CSMD1: variants seen among roughly 807,000 people sequenced by gnomAD.
CSMD1 encodes the protein CUB and sushi domain-containing protein 1.
In CSMD1, 213 loss-of-function variants were observed where a neutral mutation model predicts 417.5. That is an observed-to-expected ratio of 0.51 (90% CI 0.46 to 0.57). The LOEUF (loss-of-function observed/expected upper bound fraction) is 0.57, where lower values mean the gene tolerates loss of function less well. Ranked by LOEUF, CSMD1 falls within the 20% of genes least tolerant of loss-of-function variation. The probability of loss-of-function intolerance (pLI) is 0.00; values close to 1 mark genes in which losing one functional copy is unlikely to be tolerated. For missense variants in CSMD1, 6,923 were observed against 4,529.7 expected (o/e 1.53, Z -15.17); for synonymous variants, 2,862 against 1,736.8 (o/e 1.65, Z -16.11).
chr8:3,830,168 C>G (rs943919054), intron 5 of CSMD1, among the ~76,000 whole-genome samples: 26 of 152,078 alleles, frequency 1.7e-4, no homozygotes, highest in Admixed American at 1.5e-3. Flanking sequence ...AGTTTCTCTT[C>G]CATGAAGCTG....
At chr8:2,957,991 T>C (rs745833674) in intron 62 of CSMD1, among the ~76,000 whole-genome samples, 184 bp from the exon 63 acceptor site, 10 of 152,252 alleles carry the variant, frequency 6.6e-5, no homozygotes, top group Non-Finnish European at 4.4e-5. Context: ...ACAATGTAGA[T>C]TGCTCAATGA....
intron 3 of CSMD1, among the ~76,000 whole-genome samples, chr8:4,235,345 C>T (rs1252880048): frequency 6.8e-6 from 1 of 148,148 alleles, no homozygotes; most frequent in Non-Finnish European, 1.5e-5. Context: ...ACTCATTAAT[C>T]AAAAGACGTG....
chr8:4,124,605 C>G (rs932520632), intron 3 of CSMD1, among the ~76,000 whole-genome samples: 12 of 152,136 alleles, frequency 7.9e-5, no homozygotes, highest in African/African-American at 2.9e-4. Context: ...GTGCCTGGCA[C>G]CAGCACGCAC....
chr8:4,237,788 T>C (rs1385383955), intron 3 of CSMD1, among the ~76,000 whole-genome samples: 1 of 152,204 alleles, frequency 6.6e-6, no homozygotes, highest in East Asian at 1.9e-4. Flanking sequence ...GCTGAGATTG[T>C]AGACATGGGC....
chr8:4,443,354 G>C lies in CSMD1; in HGVS notation c.303-23289C>G, dbSNP rs190507219. Among the ~76,000 whole-genome samples, 31 of 152,242 alleles carry C rather than the reference G, an allele frequency of 2.0e-4. No homozygotes were observed. The East Asian group carries it at 3.9e-3, about 19-fold the overall frequency. On this transcript the variant is annotated intron_variant, in intron 2 of 69. Coordinates refer to ENST00000635120, the MANE Select transcript of CSMD1 (RefSeq NM_033225.6). ...CTACCCACAATATGCATACACACTG[G>C]TCTTTGAAACAACGGCTTTGATAAC... is the stretch of plus-strand genomic sequence containing the variant.
chr8:4,886,317 T>C (rs7826447), intron 1 of CSMD1, among the ~76,000 whole-genome samples: 1,987 of 152,112 alleles, frequency 0.013, 51 homozygotes, highest in African/African-American at 0.044. Context: ...TATCTAGTTG[T>C]TCCAGCACTA....
intron 7 of CSMD1, among the ~76,000 whole-genome samples, chr8:3,639,306 G>T (rs781479569): frequency 1.3e-5 from 2 of 152,132 alleles, no homozygotes; most frequent in Non-Finnish European, 2.9e-5. Context: ...ATTTTTGCTT[G>T]GGGTGTTGTT....
chr8:3,880,048 A>G (rs551939230), intron 5 of CSMD1, among the ~76,000 whole-genome samples: 1 of 143,340 alleles, frequency 7.0e-6, no homozygotes, highest in African/African-American at 2.9e-5. Context: ...GAAGATTATA[A>G]AAGATTTTCT....
chr8:4,501,906 T>G (rs1032831620), intron 2 of CSMD1, among the ~76,000 whole-genome samples: 11 of 152,128 alleles, frequency 7.2e-5, no homozygotes, highest in Admixed American at 5.9e-4. Context: ...GTATGAGGAA[T>G]CTACTGGGGG....
intron 5 of CSMD1, among the ~76,000 whole-genome samples, chr8:3,846,154 G>C (rs754666437): frequency 1.3e-5 from 2 of 152,114 alleles, no homozygotes; most frequent in South Asian, 2.1e-4. Flanking sequence ...TCAGGATCAA[G>C]CATTATGCAT....
chr8:4,158,000 T>C (rs577371528), intron 3 of CSMD1, among the ~76,000 whole-genome samples: 3 of 152,228 alleles, frequency 2.0e-5, no homozygotes, highest in African/African-American at 7.2e-5. Context: ...GACCCTTTCC[T>C]GCTCAACTGC....
chr8:3,664,310 T>C (rs563344517), intron 7 of CSMD1, among the ~76,000 whole-genome samples: 1 of 152,292 alleles, frequency 6.6e-6, no homozygotes, highest in South Asian at 2.1e-4. Flanking sequence ...TGCAACTGTT[T>C]GCTCAGAATG....
At chr8:3,666,713 G>A (rs937075992) in intron 7 of CSMD1, among the ~76,000 whole-genome samples, 1 of 152,182 alleles carries the variant, frequency 6.6e-6, no homozygotes, top group Admixed American at 6.5e-5. Flanking sequence ...GTCTTTATAA[G>A]GGGAAACCCC....
chr8:4,748,756 A>C (rs1001887529), intron 1 of CSMD1, among the ~76,000 whole-genome samples: 1 of 152,218 alleles, frequency 6.6e-6, no homozygotes, highest in African/African-American at 2.4e-5. Flanking sequence ...TTACAGACTT[A>C]ATTACTGGTT....
intron 4 of CSMD1, among the ~76,000 whole-genome samples, chr8:4,019,667 A>G (rs549759646): frequency 1.3e-5 from 2 of 152,260 alleles, no homozygotes; most frequent in South Asian, 2.1e-4. Flanking sequence ...TTAAAGTGGC[A>G]GTTGTCTGAG....
At chr8:4,203,071 G>C (rs571153799) in intron 3 of CSMD1, among the ~76,000 whole-genome samples, 72 of 152,342 alleles carry the variant, frequency 4.7e-4, no homozygotes, top group Middle Eastern at 3.4e-3. Flanking sequence ...AGGATTTTGA[G>C]CAAGTGAGAT....
At chr8:3,260,108 G>A (rs1389455132) in intron 26 of CSMD1, among the ~76,000 whole-genome samples, 1 of 152,144 alleles carries the variant, frequency 6.6e-6, no homozygotes, top group Non-Finnish European at 1.5e-5. Context: ...TTCTTTGCAT[G>A]TATATGGCAT....
chr8:3,748,030 C>T (rs13255936), intron 6 of CSMD1, among the ~76,000 whole-genome samples: 19,207 of 152,062 alleles, frequency 0.13, 1,424 homozygotes, highest in Middle Eastern at 0.17. Flanking sequence ...GGTAGCAAGA[C>T]ACACAGGTAG....
intron 5 of CSMD1, among the ~76,000 whole-genome samples, chr8:3,806,550 G>A (rs980952685): frequency 5.9e-5 from 9 of 152,104 alleles, no homozygotes; most frequent in South Asian, 2.1e-4. Context: ...CTACCTACAC[G>A]CACACTTATC....
Sources: allele counts gnomAD v4.1 joint callset (sites outside exome capture counted in the v4.1 genomes callset), GRCh38; gene constraint gnomAD v4.1.1; transcripts MANE v1.5; gene names NCBI Gene and HGNC (gene_info 2026-07-23, HGNC 2026-07-21).